Variants in FRMD3 observed in about 807,000 individuals in gnomAD.
The protein encoded by FRMD3 is FERM domain-containing protein 3.
A neutral mutation model predicts 70.2 loss-of-function variants in FRMD3; 33 were observed. That is an observed-to-expected ratio of 0.47 (90% CI 0.36 to 0.63). The LOEUF is 0.63. Ranked by LOEUF, FRMD3 falls within the 20% of genes least tolerant of loss-of-function variation. The pLI, the probability that FRMD3 is intolerant of heterozygous loss-of-function variation, is 0.00. For missense variants in FRMD3, 632 were observed against 711.4 expected (o/e 0.89, Z 1.27); for synonymous variants, 279 against 255.9 (o/e 1.09, Z -0.86).
At chr9:83,357,798 G>A (rs762453596) in intron 3 of FRMD3, among the ~76,000 whole-genome samples, 4 of 152,014 alleles carry the variant, frequency 2.6e-5, no homozygotes, top group Non-Finnish European at 4.4e-5. Context: ...TGATTTGTTG[G>A]AGTTCTTTGT....
intron 6 of FRMD3, among the ~76,000 whole-genome samples, chr9:83,315,371 G>A (rs1835527401): frequency 6.6e-6 from 1 of 152,134 alleles, no homozygotes; most frequent in African/African-American, 2.4e-5. Context: ...GATGTGCCGT[G>A]TGGAACAGCA....
At chr9:83,510,949 A>G (rs565477047) in intron 1 of FRMD3, among the ~76,000 whole-genome samples, 1 of 152,366 alleles carries the variant, frequency 6.6e-6, no homozygotes, top group South Asian at 2.1e-4. Flanking sequence ...GTTGATGGAT[A>G]CACAATTCTG....
chr9:83,571,237 T>C, the FRMD3 span, among the ~76,000 whole-genome samples: 2 of 152,210 alleles, frequency 1.3e-5, no homozygotes, highest in Admixed American at 6.5e-5. Context: ...CAAACTTCAC[T>C]CCTCTTCACT....
At chr9:83,385,902 C>G (rs1268478522) in intron 2 of FRMD3, among the ~76,000 whole-genome samples, 1 of 152,092 alleles carries the variant, frequency 6.6e-6, no homozygotes, top group African/African-American at 2.4e-5. Flanking sequence ...AAAAGATGTT[C>G]TTATAAACAT....
intron 1 of FRMD3, among the ~76,000 whole-genome samples, chr9:83,500,968 A>C (rs1829055202): frequency 6.6e-6 from 1 of 152,238 alleles, no homozygotes. Flanking sequence ...GCTCTACTTT[A>C]AAAATTAATT....
intron 1 of FRMD3, among the ~76,000 whole-genome samples, chr9:83,422,992 C>T (rs1826688587): frequency 6.6e-6 from 1 of 152,152 alleles, no homozygotes; most frequent in Non-Finnish European, 1.5e-5. Flanking sequence ...TTTCTCAAGG[C>T]CTCTTCAGGG....
intron 10 of FRMD3, among the ~76,000 whole-genome samples, chr9:83,305,085 A>C (rs1587703333): frequency 6.6e-6 from 1 of 152,308 alleles, no homozygotes; most frequent in Non-Finnish European, 1.5e-5. Flanking sequence ...GTAAAAATGG[A>C]AGGAACAAAC....
chr9:83,457,665 T>C (rs1346067870), intron 1 of FRMD3, among the ~76,000 whole-genome samples: 1 of 152,222 alleles, frequency 6.6e-6, no homozygotes, highest in Admixed American at 6.5e-5. Flanking sequence ...GTCTGTACTG[T>C]TCACCACAAA....
chr9:83,318,340 C>T (rs1206102959), intron 6 of FRMD3, among the ~76,000 whole-genome samples: 1 of 152,158 alleles, frequency 6.6e-6, no homozygotes, highest in Non-Finnish European at 1.5e-5. Flanking sequence ...TAAATGAGAA[C>T]ATGCAGTATT....
At chr9:83,405,275 G>A (rs1023662191) in intron 1 of FRMD3, among the ~76,000 whole-genome samples, 1 of 152,096 alleles carries the variant, frequency 6.6e-6, no homozygotes, top group African/African-American at 2.4e-5. Context: ...CTGGATAATG[G>A]TGAAGCTCCG....
At chr9:83,396,457 G>A (rs1825813815) in intron 1 of FRMD3, among the ~76,000 whole-genome samples, 1 of 152,168 alleles carries the variant, frequency 6.6e-6, no homozygotes, top group Admixed American at 6.5e-5. Context: ...CACACACATG[G>A]TACAGGCATA....
intron 3 of FRMD3, among the ~76,000 whole-genome samples, chr9:83,353,116 T>G (rs1227653619): frequency 6.6e-6 from 1 of 152,102 alleles, no homozygotes; most frequent in Admixed American, 6.5e-5. Flanking sequence ...TTCTCTCATA[T>G]CTAGCCAACA....
chr9:83,372,415 A>G (rs1043632687), intron 3 of FRMD3, among the ~76,000 whole-genome samples: 1 of 152,140 alleles, frequency 6.6e-6, no homozygotes, highest in East Asian at 1.9e-4. Context: ...GATTTAAAAC[A>G]ATTGCCTAGA....
chr9:83,481,402 C>G (rs1253423931), intron 1 of FRMD3, among the ~76,000 whole-genome samples: 1 of 152,110 alleles, frequency 6.6e-6, no homozygotes, highest in East Asian at 1.9e-4. Flanking sequence ...GTACAGATAT[C>G]TCTATAAAAG....
At chr9:83,254,418 A>G (rs954827172) in intron 13 of FRMD3, among the ~76,000 whole-genome samples, 4 of 151,896 alleles carry the variant, frequency 2.6e-5, no homozygotes, top group Non-Finnish European at 5.9e-5. Context: ...TACAAAAACA[A>G]AAAACAAAAA....
chr9:83,440,118 TC>T (rs1827253174), intron 1 of FRMD3, among the ~76,000 whole-genome samples: 1 of 152,194 alleles, frequency 6.6e-6, no homozygotes, highest in South Asian at 2.1e-4. Flanking sequence ...TTCTCTGGTT[TC>T]TACCAGCAGA....
rs566468124 is a variant in FRMD3 at position 83,510,182 on chromosome 9, G to A, written c.147+27903C>T. On this transcript the variant is annotated intron_variant, in intron 1 of 13. Transcript: ENST00000304195. ...TCTTGAGGCAGCCTGGGAAGAGGAG[G>A]GCTCCAGAGAGAGTCTTCTCACCGG... 1.2e-3 allele frequency among the ~76,000 whole-genome samples: 185 copies of A among 152,192 alleles called. 1 individual carries two copies. The highest frequency in any genetic ancestry group is 4.2e-3 in the African/African-American group (176 of 41,510).
At chr9:83,377,203 T>C (rs538460924) in intron 2 of FRMD3, among the ~76,000 whole-genome samples, 1 of 152,272 alleles carries the variant, frequency 6.6e-6, no homozygotes, top group South Asian at 2.1e-4. Context: ...TATGTTTTCT[T>C]TCAAAATAAA....
At chr9:83,528,824 A>C (rs1013324767) in intron 1 of FRMD3, among the ~76,000 whole-genome samples, 1 of 152,150 alleles carries the variant, frequency 6.6e-6, no homozygotes, top group Non-Finnish European at 1.5e-5. Flanking sequence ...CACTGCACCC[A>C]GCAATTCTTC....
Sources: allele counts gnomAD v4.1 joint callset (sites outside exome capture counted in the v4.1 genomes callset), GRCh38; gene constraint gnomAD v4.1.1; transcripts MANE v1.5; gene names NCBI Gene and HGNC (gene_info 2026-07-23, HGNC 2026-07-21).